The following RAD51B variants were observed in gnomAD, a reference collection of about 807,000 sequenced individuals.
RAD51B encodes RAD51 paralog B.
A neutral mutation model predicts 42.2 loss-of-function variants in RAD51B; 38 were observed. The observed-to-expected ratio is 0.90, with a 90% CI of 0.70 to 1.18. The LOEUF (loss-of-function observed/expected upper bound fraction) is 1.18, where lower values mean the gene tolerates loss of function less well. Ranked by LOEUF, RAD51B falls within the 50% of genes most tolerant of loss-of-function variation. The probability of loss-of-function intolerance (pLI) is 0.00; values close to 1 mark genes in which losing one functional copy is unlikely to be tolerated. For synonymous variants in RAD51B, 154 were observed against 145.2 expected, an observed-to-expected ratio of 1.06 and a Z score of -0.43; for missense variants, 373 against 400.7, an observed-to-expected ratio of 0.93 and a Z score of 0.59.
At chr14:68,351,389 CCTTTATT>C (rs1445464732) in intron 8 of RAD51B, among the ~76,000 whole-genome samples, 1 of 151,892 alleles carries the variant, frequency 6.6e-6, no homozygotes, top group African/African-American at 2.4e-5. Flanking sequence ...TCCTTTTTTC[CCTTTATT>C]CTTTATTCAA....
chr14:68,354,124 GGTCACTGTTCTTT>G (rs2082845797), intron 8 of RAD51B, among the ~76,000 whole-genome samples: 1 of 151,980 alleles, frequency 6.6e-6, no homozygotes, highest in Non-Finnish European at 1.5e-5. Flanking sequence ...ATAGTCATAT[GGTCACTGTTCTTT>G]GTGGTGCTAT....
chr14:68,203,730 A>T (rs1163487200), intron 7 of RAD51B, among the ~76,000 whole-genome samples: 2 of 152,220 alleles, frequency 1.3e-5, no homozygotes, highest in Non-Finnish European at 2.9e-5. Context: ...TTCATCAATG[A>T]TCTTAGCTAG....
At chr14:68,319,321 T>TA (rs1275195936) in intron 8 of RAD51B, among the ~76,000 whole-genome samples, 2 of 152,260 alleles carry the variant, frequency 1.3e-5, no homozygotes, top group Non-Finnish European at 2.9e-5. Flanking sequence ...GACCTACTCA[T>TA]ACTTCAAAAT....
intron 7 of RAD51B, among the ~76,000 whole-genome samples, chr14:68,186,790 G>T (rs1291297934): frequency 6.6e-6 from 1 of 152,134 alleles, no homozygotes; most frequent in Non-Finnish European, 1.5e-5. Flanking sequence ...CAGCCACTGT[G>T]GAAAGCAGTT....
At chr14:68,177,441 T>A (rs537897236) in intron 7 of RAD51B, among the ~76,000 whole-genome samples, 1 of 152,190 alleles carries the variant, frequency 6.6e-6, no homozygotes, top group Non-Finnish European at 1.5e-5. Flanking sequence ...TTTACTGATT[T>A]CCATCTACCA....
intron 7 of RAD51B, among the ~76,000 whole-genome samples, chr14:68,071,552 A>T (rs982009255): frequency 2.0e-5 from 3 of 152,102 alleles, no homozygotes; most frequent in African/African-American, 7.2e-5. Flanking sequence ...TTATATGATT[A>T]ATCACATTTA....
chr14:67,883,418 ACT>A (rs1387317807), intron 5 of RAD51B, among the ~76,000 whole-genome samples: 1 of 148,422 alleles, frequency 6.7e-6, no homozygotes, highest in Admixed American at 6.7e-5. Flanking sequence ...TCTCCCTCTT[ACT>A]CTCTGTGTTC....
At chr14:68,317,832 A>C (rs1284331327) in intron 8 of RAD51B, among the ~76,000 whole-genome samples, 1 of 152,248 alleles carries the variant, frequency 6.6e-6, no homozygotes, top group Non-Finnish European at 1.5e-5. Flanking sequence ...ATGTGAGCAA[A>C]GGCTCAGGGA....
chr14:68,212,988 G>T (rs1469072574), intron 7 of RAD51B, among the ~76,000 whole-genome samples: 1 of 152,160 alleles, frequency 6.6e-6, no homozygotes, highest in Non-Finnish European at 1.5e-5. Flanking sequence ...ATGTCCACTG[G>T]CAGTTTTGAC....
At chr14:68,519,720 C>T (rs1886435436) in intron 10 of RAD51B, among the ~76,000 whole-genome samples, 1 of 152,138 alleles carries the variant, frequency 6.6e-6, no homozygotes, top group Non-Finnish European at 1.5e-5. Context: ...ATTGGTGGGA[C>T]CAGTGGAGCC....
chr14:67,934,841 G>A (rs1334374456), intron 7 of RAD51B, among the ~76,000 whole-genome samples: 1 of 152,166 alleles, frequency 6.6e-6, no homozygotes, highest in Non-Finnish European at 1.5e-5. Flanking sequence ...TGAACGAATG[G>A]TAGGATCAGA....
chr14:68,206,945 G>A (rs1250441733), intron 7 of RAD51B, among the ~76,000 whole-genome samples: 1 of 151,890 alleles, frequency 6.6e-6, no homozygotes, highest in African/African-American at 2.4e-5. Context: ...GCCCGCCAAC[G>A]CGCCCGGCTA....
chr14:68,551,670 C>T (rs942593485), intron 10 of RAD51B, among the ~76,000 whole-genome samples: 1 of 152,232 alleles, frequency 6.6e-6, no homozygotes, highest in African/African-American at 2.4e-5. Context: ...CACCTCAGCA[C>T]CTAGCACAGA....
chr14:67,954,746 C>G lies in RAD51B; in HGVS notation c.756+67542C>G, dbSNP rs576835024. On this transcript the variant is annotated intron_variant, in intron 7 of 10. Transcript: ENST00000471583. Reference sequence around the variant, plus strand: ...TAGGATCACTAGGGTCAAGGGAAGACTTTTTTCTTTTCTCTTTAAATTGAA... The same window carrying G: ...TAGGATCACTAGGGTCAAGGGAAGAGTTTTTTCTTTTCTCTTTAAATTGAA... Among the ~76,000 whole-genome samples, 32 of 152,196 alleles carry G rather than the reference C, an allele frequency of 2.1e-4. No individual in the cohort carries two copies. The South Asian group carries it at 2.9e-3, about 14-fold the overall frequency.
At chr14:68,585,943 T>A (rs561552832) in intron 10 of RAD51B, among the ~76,000 whole-genome samples, 90 of 152,172 alleles carry the variant, frequency 5.9e-4, no homozygotes, top group Non-Finnish European at 1.1e-3. Context: ...CTGCTTTTCA[T>A]TAGCGTCGCC....
At chr14:67,833,041 G>C (rs2041106625) in intron 3 of RAD51B, among the ~76,000 whole-genome samples, 1 of 152,102 alleles carries the variant, frequency 6.6e-6, no homozygotes, top group African/African-American at 2.4e-5. Context: ...AGAATTCTTT[G>C]TATAATTTCT....
At chr14:68,065,100 G>A (rs185985049) in intron 7 of RAD51B, among the ~76,000 whole-genome samples, 1 of 152,274 alleles carries the variant, frequency 6.6e-6, no homozygotes, top group East Asian at 1.9e-4. Flanking sequence ...CAATTTTGTA[G>A]AGGGGCTTTC....
intron 5 of RAD51B, among the ~76,000 whole-genome samples, chr14:67,879,906 G>A (rs995763476): frequency 6.6e-6 from 1 of 152,134 alleles, no homozygotes; most frequent in African/African-American, 2.4e-5. Context: ...GTTGCTTAGA[G>A]GTTAGTTGTG....
At chr14:68,255,636 TA>T (rs895030727) in intron 7 of RAD51B, among the ~76,000 whole-genome samples, 4 of 152,248 alleles carry the variant, frequency 2.6e-5, no homozygotes, top group Admixed American at 2.6e-4. Context: ...TTTTCTCACC[TA>T]AAGTGGAACT....
Sources: gnomAD v4.1 joint callset for allele counts (sites outside exome capture counted in the v4.1 genomes callset) on GRCh38, gnomAD v4.1.1 for gene constraint, MANE v1.5 for transcripts, NCBI Gene and HGNC (gene_info 2026-07-23, HGNC 2026-07-21) for gene names.